The following SDHC variants were observed in gnomAD, a reference collection of about 807,000 sequenced individuals.
SDHC encodes succinate dehydrogenase cytochrome b560 subunit, mitochondrial.
A neutral mutation model predicts 22.6 loss-of-function variants in SDHC; 11 were observed. That is an observed-to-expected ratio of 0.49 (90% CI 0.31 to 0.81). The LOEUF (loss-of-function observed/expected upper bound fraction) is 0.81. Among genes scored for constraint, SDHC ranks in the 30% least tolerant of loss-of-function variants. The probability of loss-of-function intolerance (pLI) is 0.05; values close to 1 mark genes in which losing one functional copy is unlikely to be tolerated. For synonymous variants in SDHC, 80 were observed against 77.8 expected (o/e 1.03, Z -0.15); for missense variants, 160 against 212.0 (o/e 0.75, Z 1.52).
At chr1:161,356,218 C>T (rs1672264458) in intron 4 of SDHC, among the ~76,000 whole-genome samples, 1 of 152,064 alleles carries the variant, frequency 6.6e-6, no homozygotes. Flanking sequence ...TGTCTCCCAT[C>T]ATAAACTTGA....
At chr1:161,343,384 A>G (rs535948666) in intron 4 of SDHC, among the ~76,000 whole-genome samples, 7 of 152,340 alleles carry the variant, frequency 4.6e-5, no homozygotes, top group South Asian at 4.1e-4. Flanking sequence ...ATATTTATAT[A>G]TGTCCATTTA....
intron 1 of SDHC, chr1:161,314,869 C>T (rs1168773605): frequency 5.9e-6 from 1 of 170,188 alleles, no homozygotes; most frequent in African/African-American, 2.4e-5. Context: ...ACTAGCTGCT[C>T]CCACCGTGAG....
intron 3 of SDHC, among the ~76,000 whole-genome samples, chr1:161,333,884 CT>C (rs910816045): frequency 1.3e-5 from 2 of 152,148 alleles, no homozygotes; most frequent in African/African-American, 4.8e-5. Context: ...CCTAAAAATT[CT>C]TTTAGTCCCT....
At chr1:161,325,955 T>C (rs556335610) in intron 2 of SDHC, among the ~76,000 whole-genome samples, 2 of 152,130 alleles carry the variant, frequency 1.3e-5, no homozygotes, top group Non-Finnish European at 2.9e-5. Context: ...ATCCCAGCAC[T>C]TTGGGAGGCC....
At chr1:161,351,261 T>C (rs1463831182) in intron 4 of SDHC, among the ~76,000 whole-genome samples, 1 of 152,194 alleles carries the variant, frequency 6.6e-6, no homozygotes, top group Non-Finnish European at 1.5e-5. Context: ...TTGCCATCTA[T>C]CTTCTATACT....
In SDHC at chr1:161,343,108, C is replaced by T. The variant is rs572120924; in HGVS notation, c.241+2453C>T. ...GAAATTTGATGCCAAATAGAGCTTT[C>T]GAGGTAGGAAAGGGAGTTTCTATTG... On this transcript the variant is annotated intron_variant, in intron 4 of 5. Transcript: ENST00000367975. Among the ~76,000 whole-genome samples the T allele has an allele frequency of 6.4e-4, 98 of 152,228 alleles. 2 individuals are homozygous for T. In the South Asian group the frequency reaches 0.02, roughly 31 times the overall value.
At chr1:161,314,534 C>T (rs1454554034) in intron 1 of SDHC, 109 bp downstream of exon 1, 2 of 1,386,488 alleles carry the variant, frequency 1.4e-6, no homozygotes, top group East Asian at 2.4e-5. Context: ...AGGGAAAGGA[C>T]CCATGGGTGT....
rs876659889 is a variant in SDHC, at chr1:161,362,354, A to G, written c.431A>G (p.Lys144Arg). The G allele has an allele frequency of 1.2e-6, 2 of 1,613,378 alleles. No homozygotes were observed. The highest frequency in any genetic ancestry group is 1.7e-6 in the Non-Finnish European group (2 of 1,179,796). Reference sequence around the variant, plus strand: ...ATGTGGGACCTAGGAAAAGGCCTGAAGATTCCCCAGCTATACCAGTCTGGA... The same window carrying G: ...ATGTGGGACCTAGGAAAAGGCCTGAGGATTCCCCAGCTATACCAGTCTGGA... ...HLMWDLGKGL[K>R]IPQLYQSGVV... Residue 144 changes from lysine to arginine, a missense_variant, in exon 6 of 6, where the codon AAG (lysine) becomes AGG (arginine). This residue lies in a region of SDHC where 74 missense variants were observed against 128.6 expected (regional missense o/e 0.58). Transcript: ENST00000367975.
intron 3 of SDHC, chr1:161,339,661 T>G (rs1328305463): frequency 4.8e-6 from 1 of 210,390 alleles, no homozygotes; most frequent in Non-Finnish European, 8.1e-6. Context: ...CTGATACAGG[T>G]GTTTTTTTTT....
At chr1:161,315,387 GT>G (rs1420705870) in intron 1 of SDHC, among the ~76,000 whole-genome samples, 1 of 152,142 alleles carries the variant, frequency 6.6e-6, no homozygotes, top group Non-Finnish European at 1.5e-5. Flanking sequence ...TGAAATCAGG[GT>G]TATCTTAATC....
At chr1:161,318,605 C>T (rs546614317) in intron 1 of SDHC, among the ~76,000 whole-genome samples, 1 of 152,308 alleles carries the variant, frequency 6.6e-6, no homozygotes, top group South Asian at 2.1e-4. Context: ...ATGTGAAATG[C>T]CCCTAAATAT....
chr1:161,349,921 T>A lies in SDHC; in HGVS notation c.242-6756T>A, dbSNP rs183496196. Among the ~76,000 whole-genome samples, 264 of 152,228 alleles carry A rather than the reference T, an allele frequency of 1.7e-3. 8 individuals carry two copies. The East Asian group carries it at 0.037, about 22-fold the overall frequency. On this transcript the variant is annotated intron_variant, in intron 4 of 5. Coordinates refer to ENST00000367975, the MANE Select transcript of SDHC (RefSeq NM_003001.5). ...TTTTTTTCTCTTTAGTTTAAAAAAA[T>A]TTTTTTGAGACCAAGTTTCGCTCTT...
intron 4 of SDHC, among the ~76,000 whole-genome samples, chr1:161,355,348 C>T (rs1672232812): frequency 6.6e-6 from 1 of 152,118 alleles, no homozygotes; most frequent in Non-Finnish European, 1.5e-5. Context: ...TTTATGTATT[C>T]TGGATAAAAG....
At chr1:161,356,495 C>T (rs1428814608) in intron 4 of SDHC, among the ~76,000 whole-genome samples, 182 bp from the exon 5 acceptor site, 1 of 152,106 alleles carries the variant, frequency 6.6e-6, no homozygotes, top group Non-Finnish European at 1.5e-5. Context: ...GCCAAGATTG[C>T]ACCACTATAC....
intron 3 of SDHC, among the ~76,000 whole-genome samples, chr1:161,332,553 T>A (rs1200007740): frequency 3.3e-5 from 5 of 152,218 alleles, no homozygotes; most frequent in Non-Finnish European, 7.3e-5. Flanking sequence ...GTTCACACAT[T>A]GAAAGCATAC....
chr1:161,340,592 A>G lies in SDHC; in HGVS notation c.180-2A>G, dbSNP rs1363265634. 1 of 1,613,398 alleles carries G rather than the reference A, an allele frequency of 6.2e-7. No homozygotes were observed. The highest frequency in any genetic ancestry group is 2.2e-5 in the East Asian group (1 of 44,882). On this transcript the variant is annotated splice_acceptor_variant, in intron 3 of 5. Coordinates refer to ENST00000367975, the MANE Select transcript of SDHC (RefSeq NM_003001.5). LOFTEE classifies it high-confidence loss of function. The stretch of plus-strand genomic sequence containing the variant: ...AAATTGTCTTTGTGTGTTTCTTTAC[A>G]GTTGGTCTCTTCCCATGGCGATGTC...
intron 3 of SDHC, among the ~76,000 whole-genome samples, chr1:161,332,800 T>A (rs907346280): frequency 6.6e-6 from 1 of 152,044 alleles, no homozygotes; most frequent in South Asian, 2.1e-4. Flanking sequence ...CCTGACTAAT[T>A]TTTGTGTTTT....
intron 5 of SDHC, among the ~76,000 whole-genome samples, chr1:161,358,468 C>G (rs1289950553): frequency 6.6e-6 from 1 of 151,952 alleles, no homozygotes; most frequent in Admixed American, 6.6e-5. Flanking sequence ...TCATCGTCTG[C>G]TCAAAACTGG....
At position 161,328,007 on chromosome 1, in the gene SDHC, A is replaced by AT. The variant is rs778403973; in HGVS notation, c.78-372dup. Among the ~76,000 whole-genome samples, 1,375 of 138,306 alleles carry AT rather than the reference A, an allele frequency of 9.9e-3. 18 individuals are homozygous for AT. Among genetic ancestry groups the AT allele is most frequent in the African/African-American group, 0.028 (1,043 of 37,560 alleles). 90.7% of individuals were successfully genotyped at this position (138,306 alleles called of 152,430 possible). A position where few individuals can be genotyped will look rare whatever the true frequency, so the allele number is the denominator to read the frequency against. ...AACCTTTTCTAAAAAGATACTGCAA[A>AT]TTTTTTTTTTTTTTTTTGAGAGAGA... On this transcript the variant is annotated intron_variant, in intron 2 of 5. Coordinates refer to ENST00000367975, the MANE Select transcript of SDHC (RefSeq NM_003001.5).
Sources: gnomAD v4.1 joint callset for allele counts (sites outside exome capture counted in the v4.1 genomes callset) on GRCh38, gnomAD v4.1.1 for gene constraint, gnomAD v4.1.1 regional missense constraint, MANE v1.5 for transcripts, NCBI Gene and HGNC (gene_info 2026-07-23, HGNC 2026-07-21) for gene names.